The following VLDLR variants were observed in gnomAD, a reference collection of about 807,000 sequenced individuals.
VLDLR encodes very low-density lipoprotein receptor.
Under a neutral mutation model 112.7 loss-of-function variants are expected in VLDLR, and 81 were observed. The ratio of observed to expected loss-of-function variants is 0.72; its 90% CI spans 0.60 to 0.86. The LOEUF (loss-of-function observed/expected upper bound fraction) is 0.86, where lower values mean the gene tolerates loss of function less well. Ranked by LOEUF, VLDLR falls within the 40% of genes least tolerant of loss-of-function variation. VLDLR has a pLI of 0.00. For synonymous variants in VLDLR, 436 were observed against 384.8 expected (o/e 1.13, Z -1.56); for missense variants, 1,237 against 1,099.4 (o/e 1.13, Z -1.77).
intron 14 of VLDLR, 66 bp from the exon 15 acceptor site, chr9:2,650,304 G>T (rs926803782): frequency 3.4e-5 from 55 of 1,604,532 alleles, no homozygotes; most frequent in Non-Finnish European, 4.4e-5. Flanking sequence ...TCAACATGTA[G>T]AACAAGGCTT....
At chr9:2,653,469 G>A (rs116938662) in intron 18 of VLDLR, among the ~76,000 whole-genome samples, 371 of 152,220 alleles carry the variant, frequency 2.4e-3, no homozygotes, top group African/African-American at 8.4e-3. Flanking sequence ...TGGCCTTCAC[G>A]TAGGAAACAG....
At chr9:2,635,622 T>C (rs1166356014) in intron 2 of VLDLR, 50 bp downstream of exon 2, 4 of 1,612,532 alleles carry the variant, frequency 2.5e-6, no homozygotes, top group African/African-American at 1.3e-5. Context: ...TATGATGTTA[T>C]CTTAGTCTGC....
intron 18 of VLDLR, among the ~76,000 whole-genome samples, 181 bp from the exon 19 acceptor site, chr9:2,653,652 G>C (rs1169138531): frequency 6.6e-6 from 1 of 152,188 alleles, no homozygotes; most frequent in African/African-American, 2.4e-5. Flanking sequence ...AGCAGGTATA[G>C]TTGAATTCAA....
In VLDLR at chr9:2,646,377, G is replaced by A. The variant is rs1353643357; in HGVS notation, c.1528G>A (p.Asp510Asn). ...DKVGRHVKMI[D>N]NVYNPAAIAV... ...GGTTGGTAGACATGTTAAAATGATC[G>A]ACAATGTCTATAATCCTGCAGCCAT... Residue 510 changes from aspartate (D) to asparagine (N), a missense_variant, in exon 11 of 19, where the codon GAC becomes AAC. Transcript: ENST00000382100. 7 of 1,614,096 alleles carry A rather than the reference G, an allele frequency of 4.3e-6. No homozygotes were observed. Among genetic ancestry groups the A allele is most frequent in the East Asian group, 4.5e-5 (2 of 44,886 alleles).
intron 2 of VLDLR, among the ~76,000 whole-genome samples, chr9:2,637,901 C>G (rs890404293): frequency 6.6e-6 from 1 of 152,110 alleles, no homozygotes; most frequent in African/African-American, 2.4e-5. Context: ...CAAGACCACG[C>G]CACTGCACTC....
At chr9:2,633,589 TTAA>T (rs1817464480) in intron 1 of VLDLR, among the ~76,000 whole-genome samples, 1 of 152,184 alleles carries the variant, frequency 6.6e-6, no homozygotes, top group African/African-American at 2.4e-5. Flanking sequence ...TCATTTTGAC[TTAA>T]TAACCTTTGG....
chr9:2,651,770 G>T, intron 16 of VLDLR, 104 bp from the exon 17 acceptor site: 2 of 1,258,944 alleles, frequency 1.6e-6, no homozygotes, highest in South Asian at 2.5e-5. Flanking sequence ...TGTAGATACT[G>T]AACATCAATA....
At position 2,659,630 on chromosome 9, in the gene VLDLR, T is replaced by C. The variant is rs1818729375; in HGVS notation, c.*5762T>C. 1 of 152,212 alleles carries C rather than the reference T, an allele frequency of 6.6e-6. No individual in the cohort carries two copies. Among genetic ancestry groups the C allele is most frequent in the South Asian group, 2.1e-4 (1 of 4,832 alleles). The allele number at this position is 152,212 out of a possible 1,614,324, so 9.4% of individuals were successfully genotyped here. On this transcript the variant is annotated 3_prime_UTR_variant, in exon 19 of 19. Coordinates refer to ENST00000382100, the MANE Select transcript of VLDLR (RefSeq NM_003383.5). Reference sequence around the variant, plus strand: ...AAACAAACTGTACCACAACAAATCTTAAGTTTCAAGGCTCTCCTATAGGGA... The same window carrying C: ...AAACAAACTGTACCACAACAAATCTCAAGTTTCAAGGCTCTCCTATAGGGA...
chr9:2,656,463 A>T lies in VLDLR; in HGVS notation c.*2595A>T, dbSNP rs1054075132. The T allele has an allele frequency of 1.3e-5, 2 of 152,056 alleles. No individual in the cohort carries two copies. 9.4% of individuals were successfully genotyped at this position (152,056 alleles called of 1,614,324 possible). A position where few individuals can be genotyped will look rare whatever the true frequency, so the allele number is the denominator to read the frequency against. On this transcript the variant is annotated 3_prime_UTR_variant, in exon 19 of 19. Coordinates refer to ENST00000382100, the MANE Select transcript of VLDLR (RefSeq NM_003383.5). Reference sequence around the variant, plus strand: ...AAATTTATAAAAATAAAAGAAAAAAATAGTTATATGACTAAACTACTAGTC... The same window carrying T: ...AAATTTATAAAAATAAAAGAAAAAATTAGTTATATGACTAAACTACTAGTC...
intron 1 of VLDLR, among the ~76,000 whole-genome samples, chr9:2,633,047 A>AGTGTGTGTGTGTGT (rs780332222): frequency 9.4e-5 from 9 of 95,466 alleles, no homozygotes; most frequent in African/African-American, 3.4e-4. Context: ...AGAGAGAGAG[A>AGTGTGTGTGTGTGT]GAGAGTGTGT....
rs780844055 is a variant in VLDLR at position 2,653,868 on chromosome 9, A to C, written c.2622A>C (p.Ter874CysextTer3). Residue 874 changes from the stop codon to cysteine (C), a stop_lost, in exon 19 of 19, where the codon TGA becomes TGC. Coordinates refer to ENST00000382100, the MANE Select transcript of VLDLR (RefSeq NM_003383.5). ...SVVSTDDDLA[*>C] ...TAAGCACAGATGATGATCTAGCTTG[A>C]CTTCTGTGACAAATGTTGACCTTTG... is the stretch of plus-strand genomic sequence containing the variant. 1.2e-6 allele frequency: 2 copies of C among 1,613,864 alleles called. No individual in the cohort carries two copies. The highest frequency in any genetic ancestry group is 1.7e-6 in the Non-Finnish European group (2 of 1,179,842).
At position 2,621,956 on chromosome 9, in the gene VLDLR, T is replaced by G. The variant is rs2130746298; in HGVS notation, c.-234T>G. ...TTCTGCCCGCAGGCTCGGCTTGCAC[T>G]GCTGCTGCAGCCCGGGGAGGTGGCT... On this transcript the variant is annotated 5_prime_UTR_variant, in exon 1 of 19. Coordinates refer to ENST00000382100, the MANE Select transcript of VLDLR (RefSeq NM_003383.5). The G allele has an allele frequency of 6.1e-6, 4 of 659,876 alleles. No individual in the cohort carries two copies. The highest frequency in any genetic ancestry group is 5.5e-6 in the Non-Finnish European group (2 of 362,472). The allele number at this position is 659,876 out of a possible 1,614,324, so 40.9% of individuals were successfully genotyped here.
chr9:2,639,854 T>C lies in VLDLR; in HGVS notation c.203-5T>C. On this transcript the variant is annotated splice_polypyrimidine_tract_variant and splice_region_variant and intron_variant, in intron 2 of 18. Transcript: ENST00000382100. Reference sequence around the variant, plus strand: ...AACTTTAACCCTTCAAATAAACGTTTGTAGTAAAGAAGACGTGTGCTGAAT... The same window carrying C: ...AACTTTAACCCTTCAAATAAACGTTCGTAGTAAAGAAGACGTGTGCTGAAT... The C allele has an allele frequency of 6.2e-7, 1 of 1,614,048 alleles. No homozygotes were observed.
At chr9:2,637,898 A>G (rs12342643) in intron 2 of VLDLR, among the ~76,000 whole-genome samples, 16,956 of 152,094 alleles carry the variant, frequency 0.11, 1,429 homozygotes, top group African/African-American at 0.23. Context: ...AGCCAAGACC[A>G]CGCCACTGCA....
At chr9:2,650,990 G>T (rs966871784) in intron 15 of VLDLR, among the ~76,000 whole-genome samples, 2 of 152,166 alleles carry the variant, frequency 1.3e-5, no homozygotes, top group Admixed American at 1.3e-4. Context: ...TGATCAAGGA[G>T]CTTGTATGGT....
chr9:2,627,365 T>A (rs12551418), intron 1 of VLDLR, among the ~76,000 whole-genome samples: 33,838 of 152,148 alleles, frequency 0.22, 4,966 homozygotes, highest in East Asian at 0.56. Flanking sequence ...AATGGATTAC[T>A]GCCAGTATTA....
Position 2,643,647 on chromosome 9 carries a change from T to C in VLDLR, c.840T>C (p.Pro280=). The change falls in exon 6 of 19, where the codon CCT becomes CCC. Residue 280 remains proline, a synonymous_variant. Coordinates refer to ENST00000382100, the MANE Select transcript of VLDLR (RefSeq NM_003383.5). ...EVNCPSRTCR[P]DQFECEDGSC... Reference sequence around the variant, plus strand: ...TTGTAGCCTCTCGAACTTGCCGACCTGACCAATTTGAATGTGAGGATGGCA... The same window carrying C: ...TTGTAGCCTCTCGAACTTGCCGACCCGACCAATTTGAATGTGAGGATGGCA... The C allele has an allele frequency of 6.2e-7, 1 of 1,614,218 alleles. No homozygotes were observed. Among genetic ancestry groups the C allele is most frequent in the Non-Finnish European group, 8.5e-7 (1 of 1,180,042 alleles).
In VLDLR at chr9:2,630,957, A is replaced by G. The variant is rs181898610; in HGVS notation, c.83-4496A>G. Reference sequence around the variant, plus strand: ...AGGAGACTAATATCCAGAATATACAAACTCAAACAATGGGGAAAAAATAAT... The same window carrying G: ...AGGAGACTAATATCCAGAATATACAGACTCAAACAATGGGGAAAAAATAAT... On this transcript the variant is annotated intron_variant, in intron 1 of 18. Transcript: ENST00000382100. Among the ~76,000 whole-genome samples the G allele has an allele frequency of 1.8e-3, 277 of 152,334 alleles. 1 individual carries two copies. The highest frequency in any genetic ancestry group is 2.9e-3 in the Non-Finnish European group (196 of 68,034).
intron 1 of VLDLR, among the ~76,000 whole-genome samples, chr9:2,624,510 G>T (rs1370895258): frequency 6.6e-6 from 1 of 152,192 alleles, no homozygotes; most frequent in Non-Finnish European, 1.5e-5. Flanking sequence ...GGGGTTCTGG[G>T]ACATTTTCCT....
Sources: gnomAD v4.1 joint callset for allele counts (sites outside exome capture counted in the v4.1 genomes callset) on GRCh38, gnomAD v4.1.1 for gene constraint, MANE v1.5 for transcripts, NCBI Gene and HGNC (gene_info 2026-07-23, HGNC 2026-07-21) for gene names.